Variants in DMBT1 observed in about 807,000 individuals in gnomAD.
DMBT1 encodes scavenger receptor cysteine-rich domain-containing protein DMBT1.
A neutral mutation model predicts 252.9 loss-of-function variants in DMBT1; 198 were observed. The ratio of observed to expected loss-of-function variants is 0.78; its 90% CI spans 0.70 to 0.88. The LOEUF (loss-of-function observed/expected upper bound fraction) is 0.88, where lower values mean the gene tolerates loss of function less well. DMBT1 is among the 40% of genes least tolerant of loss of function. DMBT1 has a pLI of 0.00. For synonymous variants in DMBT1, 990 were observed against 942.7 expected, an observed-to-expected ratio of 1.05 and a Z score of -0.92; for missense variants, 2,432 against 2,404.7, an observed-to-expected ratio of 1.01 and a Z score of -0.24.
At chr10:122,575,075 A>G (rs972585712) in intron 6 of DMBT1, among the ~76,000 whole-genome samples, 22 of 152,208 alleles carry the variant, frequency 1.4e-4, no homozygotes, top group African/African-American at 5.3e-4. Context: ...GAGCAATTCA[A>G]AAACGGAGAT....
chr10:122,631,312 C>T, intron 49 of DMBT1, 31 bp downstream of exon 49: 9 of 1,603,974 alleles, frequency 5.6e-6, no homozygotes, highest in East Asian at 4.5e-5. Flanking sequence ...AGGCCCATTT[C>T]ACCTGTAACT....
chr10:122,580,646 A>G (rs1458036064), intron 10 of DMBT1, among the ~76,000 whole-genome samples: 3 of 152,052 alleles, frequency 2.0e-5, no homozygotes, highest in African/African-American at 7.3e-5. Context: ...CTGGGCAGAC[A>G]CAATTTGATC....
At chr10:122,592,659 A>G in intron 20 of DMBT1, 64 bp downstream of exon 20, 2 of 1,579,698 alleles carry the variant, frequency 1.3e-6, no homozygotes, top group Admixed American at 1.7e-5. Context: ...GAAAATCCTA[A>G]TTACATTCTG....
At position 122,586,294 on chromosome 10, in the gene DMBT1, G is replaced by T; in HGVS notation, c.1694G>T (p.Gly565Val). 10 of 1,588,634 alleles carry T rather than the reference G, an allele frequency of 6.3e-6. 1 individual carries two copies. Among genetic ancestry groups the T allele is most frequent in the Non-Finnish European group, 8.6e-6 (10 of 1,165,840 alleles). The change falls in exon 16 of 56, where the codon GGG (glycine) becomes GTG (valine). Residue 565 changes from glycine to valine, a missense_variant. Physicochemically the swap from Gly to Val is moderately radical, Grantham distance 109. Around this residue, in one of 3 missense-constraint regions of DMBT1, gnomAD observed 1,264 missense variants for 1,082.2 expected, o/e 1.17. Transcript: ENST00000338354. ...GTCCTGGATGACGTGCGCTGCTCAG[G>T]GAATGAGTCCTACTTGTGGAGCTGC... ...PIVLDDVRCSGNESYLWSCPH... is the reference protein window; with the variant it reads ...PIVLDDVRCSVNESYLWSCPH...
chr10:122,618,005 G>T lies in DMBT1; in HGVS notation c.4892-12G>T, dbSNP rs777315625. Reference sequence around the variant, plus strand: ...GTGGGGATGGATGAAGGGTTCTTGTGTTCCCCTGTAGGATCTGAATCCACT... The same window carrying T: ...GTGGGGATGGATGAAGGGTTCTTGTTTTCCCCTGTAGGATCTGAATCCACT... On this transcript the variant is annotated splice_polypyrimidine_tract_variant and intron_variant, in intron 40 of 55. Transcript: ENST00000338354. The T allele has an allele frequency of 2.7e-5, 44 of 1,612,228 alleles. No individual in the cohort carries two copies. Among genetic ancestry groups the T allele is most frequent in the Non-Finnish European group, 3.7e-5 (44 of 1,179,724 alleles).
chr10:122,640,987 TGA>T (rs1304207479), intron 55 of DMBT1, among the ~76,000 whole-genome samples: 2 of 152,032 alleles, frequency 1.3e-5, no homozygotes, highest in South Asian at 2.1e-4. Flanking sequence ...GAGGATGGGA[TGA>T]GAGAGAGTGG....
chr10:122,636,275 T>C (rs2098226391), intron 53 of DMBT1, 76 bp downstream of exon 53: 1 of 1,341,758 alleles, frequency 7.5e-7, no homozygotes. Flanking sequence ...TGTCCTGTTG[T>C]TGTGAAATAA....
intron 1 of DMBT1, among the ~76,000 whole-genome samples, 197 bp downstream of exon 1, chr10:122,561,028 G>A (rs1214871491): frequency 6.6e-6 from 1 of 152,144 alleles, no homozygotes; most frequent in African/African-American, 2.4e-5. Flanking sequence ...AAATATAAAT[G>A]GTTGTAGTTA....
intron 19 of DMBT1, among the ~76,000 whole-genome samples, chr10:122,592,062 C>G (rs2097853623): frequency 1.3e-5 from 2 of 148,456 alleles, no homozygotes; most frequent in South Asian, 4.5e-4. Context: ...AGGCGCTTTC[C>G]CAAAATCTGA....
In DMBT1 at chr10:122,640,015, C is replaced by A. The variant is rs1387345921; in HGVS notation, c.6943-25C>A. On this transcript the variant is annotated intron_variant, in intron 54 of 55. Coordinates refer to ENST00000338354, the MANE Select transcript of DMBT1 (RefSeq NM_001377530.1). Reference sequence around the variant, plus strand: ...CTTAGCAGGTGACATGTGCCTGACTCTGCTCTCTTGCCTGCCTCTCCTAGG... The same window carrying A: ...CTTAGCAGGTGACATGTGCCTGACTATGCTCTCTTGCCTGCCTCTCCTAGG... The A allele has an allele frequency of 2.5e-6, 4 of 1,604,050 alleles. No individual in the cohort carries two copies. In the South Asian group the frequency reaches 3.4e-5, roughly 13 times the overall value.
chr10:122,563,608 A>G (rs900240499), intron 1 of DMBT1, among the ~76,000 whole-genome samples: 1 of 151,332 alleles, frequency 6.6e-6, no homozygotes, highest in Non-Finnish European at 1.5e-5. Flanking sequence ...TTAATAAATC[A>G]TTTTCCAGAA....
intron 1 of DMBT1, among the ~76,000 whole-genome samples, chr10:122,562,131 A>T (rs2097552590): frequency 2.1e-5 from 3 of 143,608 alleles, no homozygotes; most frequent in East Asian, 2.1e-4. Flanking sequence ...CCTTCCTTCC[A>T]TCCCTTTTTC....
intron 2 of DMBT1, among the ~76,000 whole-genome samples, chr10:122,567,127 C>T (rs994381998): frequency 2.0e-5 from 3 of 152,238 alleles, no homozygotes; most frequent in African/African-American, 4.8e-5. Flanking sequence ...AGTCCCTCCC[C>T]TTCCAGGACA....
Position 122,578,741 on chromosome 10 carries a change from C to T in DMBT1, c.661C>T (p.Pro221Ser), listed in dbSNP as rs747527658. The T allele has an allele frequency of 3.7e-6, 6 of 1,608,806 alleles. No individual in the cohort carries two copies. Among genetic ancestry groups the T allele is most frequent in the Middle Eastern group, 1.7e-4 (1 of 6,058 alleles). Residue 221 changes from proline (P) to serine (S), a missense_variant, in exon 9 of 56, where the codon CCA (proline) becomes TCA (serine). Pro to Ser is a moderately conservative substitution (Grantham distance 74). Coordinates refer to ENST00000338354, the MANE Select transcript of DMBT1 (RefSeq NM_001377530.1). ...RPESWPVRIS[P>S]PVPTEGSESS... is the part of the protein sequence containing the mutation. ...AGAAAGTTGGCCTGTCAGGATATCA[C>T]CACCTGTACCCACAGAAGGTAAAGA...
chr10:122,617,137 C>T lies in DMBT1; in HGVS notation c.4859-91C>T. Reference sequence around the variant, plus strand: ...GCAGGAACAGGAAGTGGAATTGTTGCCAGGTTGATTCCCCCTCCCAGAGAA... The same window carrying T: ...GCAGGAACAGGAAGTGGAATTGTTGTCAGGTTGATTCCCCCTCCCAGAGAA... On this transcript the variant is annotated intron_variant, in intron 39 of 55. Coordinates refer to ENST00000338354, the MANE Select transcript of DMBT1 (RefSeq NM_001377530.1). 2.7e-5 allele frequency: 38 copies of T among 1,392,242 alleles called. 1 individual carries two copies. Among genetic ancestry groups the T allele is most frequent in the Non-Finnish European group, 3.5e-5 (35 of 987,692 alleles). The allele number at this position is 1,392,242 out of a possible 1,614,324, so 86.2% of individuals were successfully genotyped here. A position where few individuals can be genotyped will look rare whatever the true frequency, so the allele number is the denominator to read the frequency against.
Position 122,640,160 on chromosome 10 carries a change from G to A in DMBT1, c.7063G>A (p.Val2355Ile). The change falls in exon 55 of 56, where the codon GTC (valine) becomes ATC (isoleucine). Residue 2355 changes from valine to isoleucine, a missense_variant. Transcript: ENST00000338354. ...VSCRMLQNTWVDTMYIANDTI... is the reference protein window; with the variant it reads ...VSCRMLQNTWIDTMYIANDTI... Reference sequence around the variant, plus strand: ...CTGCAGAATGCTTCAGAACACCTGGGTCGACACCATGTACATTGCTAATGA... The same window carrying A: ...CTGCAGAATGCTTCAGAACACCTGGATCGACACCATGTACATTGCTAATGA... 6.2e-7 allele frequency: 1 copy of A among 1,614,044 alleles called. No individual in the cohort carries two copies.
Position 122,643,511 on chromosome 10 carries a change from C to T in DMBT1, c.*113C>T, listed in dbSNP as rs1591645419. On this transcript the variant is annotated 3_prime_UTR_variant, in exon 56 of 56. Transcript: ENST00000338354. ...TCAGATTGAGCCCTACATTGTGCTG[C>T]ACCTGGTCATACGGAGTTGAATCAG... 14 of 1,394,028 alleles carry T rather than the reference C, an allele frequency of 1.0e-5. No individual in the cohort carries two copies. The highest frequency in any genetic ancestry group is 2.8e-5 in the South Asian group (2 of 71,094). 86.4% of individuals were successfully genotyped at this position (1,394,028 alleles called of 1,614,324 possible).
intron 18 of DMBT1, 144 bp downstream of exon 18, chr10:122,590,838 A>T: frequency 9.3e-7 from 1 of 1,074,674 alleles, no homozygotes; most frequent in Non-Finnish European, 1.4e-6. Flanking sequence ...AGACCCTAGC[A>T]TGGAGCTTCT....
intron 19 of DMBT1, among the ~76,000 whole-genome samples, chr10:122,591,795 G>A (rs1360193718): frequency 1.3e-5 from 2 of 149,028 alleles, no homozygotes; most frequent in African/African-American, 2.4e-5. Context: ...CCTACTCCTG[G>A]GACCTCATTC....
Sources: gnomAD v4.1 joint callset for allele counts (sites outside exome capture counted in the v4.1 genomes callset) on GRCh38, gnomAD v4.1.1 for gene constraint, gnomAD v4.1.1 regional missense constraint, MANE v1.5 for transcripts, NCBI Gene and HGNC (gene_info 2026-07-23, HGNC 2026-07-21) for gene names.